The following RBBP7 variants were observed in gnomAD, a reference collection of about 807,000 sequenced individuals.
The protein encoded by RBBP7 is RB binding protein 7, chromatin remodeling factor.
RBBP7 carries 5 observed loss-of-function variants against 35.2 expected under a neutral mutation model. The ratio of observed to expected loss-of-function variants is 0.14; its 90% CI spans 0.07 to 0.30. RBBP7 has a LOEUF of 0.30. Among genes scored for constraint, RBBP7 ranks in the 10% least tolerant of loss-of-function variants. The pLI, the probability that RBBP7 is intolerant of heterozygous loss-of-function variation, is 1.00. For missense variants in RBBP7, 155 were observed against 327.5 expected, an observed-to-expected ratio of 0.47 and a Z score of 4.07; for synonymous variants, 140 against 118.7, an observed-to-expected ratio of 1.18 and a Z score of -1.17.
intron 9 of RBBP7, 87 bp downstream of exon 9, chrX:16,851,959 C>T: frequency 1.3e-6 from 1 of 778,224 alleles, no homozygotes; most frequent in East Asian, 3.3e-5. Flanking sequence ...GGGGGATTAC[C>T]AAATTGCTTT....
intron 9 of RBBP7, among the ~76,000 whole-genome samples, chrX:16,851,133 AAAAAG>A (rs377193335): frequency 2.4e-4 from 26 of 109,146 alleles, no homozygotes; most frequent in South Asian, 3.9e-4. Flanking sequence ...CCAAAAAAAA[AAAAAG>A]AAAAGAAAAG....
chrX:16,853,200 T>A (rs1251863658), intron 6 of RBBP7: 5 of 227,118 alleles, frequency 2.2e-5, no homozygotes, highest in Admixed American at 6.3e-5. Context: ...ATGCCCAGTA[T>A]TTTGTCACAT....
In RBBP7 at chrX:16,857,410, G is replaced by A. The variant is rs1007833862; in HGVS notation, c.597+184C>T. Reference sequence around the variant, plus strand: ...TCTAAGGCTACTTCAAAAGAGCTCTGTGGAATCCGAAGACTCATACAGGGC... The same window carrying A: ...TCTAAGGCTACTTCAAAAGAGCTCTATGGAATCCGAAGACTCATACAGGGC... On this transcript the variant is annotated intron_variant, in intron 5 of 11. Transcript: ENST00000380087. 2.7e-5 allele frequency among the ~76,000 whole-genome samples: 3 copies of A among 111,758 alleles called. No individual in the cohort carries two copies. The East Asian group carries it at 8.4e-4, about 31-fold the overall frequency.
At chrX:16,855,579 C>T (rs774903118) in intron 5 of RBBP7, among the ~76,000 whole-genome samples, 1 of 111,083 alleles carries the variant, frequency 9.0e-6, no homozygotes, top group Non-Finnish European at 1.9e-5. Context: ...GTGGGTAGCC[C>T]CTGGTAAATG....
chrX:16,849,602 A>T (rs1223035404), intron 9 of RBBP7, among the ~76,000 whole-genome samples: 4 of 111,987 alleles, frequency 3.6e-5, no homozygotes, highest in Non-Finnish European at 7.5e-5. Flanking sequence ...GCTACTGTTT[A>T]TATTTGGTGT....
Position 16,863,086 on chromosome X carries a change from T to C in RBBP7, c.176A>G (p.Asp59Gly), listed in dbSNP as rs750800740. 4 of 1,209,865 alleles carry C rather than the reference T, an allele frequency of 3.3e-6. No individual in the cohort carries two copies. The highest frequency in any genetic ancestry group is 4.5e-6 in the Non-Finnish European group (4 of 894,125). The stretch of plus-strand genomic sequence containing the variant: ...CAGCACTAGCCAATGAAGGGCATAA[T>C]CTTTTCCTTCAGGTCTGTTTAAGAA... The part of the protein sequence containing the change: ...LPEVTKPEGK[D>G]YALHWLVLGT... The change falls in exon 3 of 12, where the codon GAT becomes GGT. Residue 59 changes from aspartate to glycine, a missense_variant. Around this residue, in one of 3 missense-constraint regions of RBBP7, gnomAD observed 59 missense variants for 90.4 expected, o/e 0.65. Coordinates refer to ENST00000380087, the MANE Select transcript of RBBP7 (RefSeq NM_002893.4).
At chrX:16,849,859 G>C (rs1174920744) in intron 9 of RBBP7, among the ~76,000 whole-genome samples, 1 of 112,227 alleles carries the variant, frequency 8.9e-6, no homozygotes, top group Non-Finnish European at 1.9e-5. Flanking sequence ...CAGTACTATA[G>C]ATCTGTCTAA....
At chrX:16,845,195 G>GT in intron 11 of RBBP7, 92 bp from the exon 12 acceptor site, 1 of 620,703 alleles carries the variant, frequency 1.6e-6, no homozygotes, top group African/African-American at 2.2e-5. Flanking sequence ...GAACTTAATA[G>GT]TTTCATTTTT....
At chrX:16,854,735 T>C (rs981420447) in intron 5 of RBBP7, among the ~76,000 whole-genome samples, 2 of 108,662 alleles carry the variant, frequency 1.8e-5, no homozygotes, top group Non-Finnish European at 1.9e-5. Context: ...GATGTGCTCC[T>C]TGAAACGTCA....
intron 5 of RBBP7, among the ~76,000 whole-genome samples, chrX:16,856,153 A>G (rs1006289915): frequency 3.6e-5 from 4 of 111,240 alleles, no homozygotes; most frequent in African/African-American, 1.3e-4. Context: ...TTGAATACCT[A>G]TTTCTCTAAA....
chrX:16,868,933 CG>C (rs1930694772), intron 2 of RBBP7, 142 bp downstream of exon 2: 1 of 584,405 alleles, frequency 1.7e-6, no homozygotes, highest in East Asian at 3.7e-5. Flanking sequence ...CCACAAATCA[CG>C]TAAGTTTTGA....
At position 16,845,952 on chromosome X, in the gene RBBP7, A is replaced by C. The variant is rs1356819979; in HGVS notation, c.1099-14T>G. Reference sequence around the variant, plus strand: ...TCCATGAATAAACTGTTACAAGAACAAAAAAAGCTTTGATTTCATATACTC... The same window carrying C: ...TCCATGAATAAACTGTTACAAGAACCAAAAAAGCTTTGATTTCATATACTC... On this transcript the variant is annotated splice_polypyrimidine_tract_variant and intron_variant, in intron 10 of 11. Coordinates refer to ENST00000380087, the MANE Select transcript of RBBP7 (RefSeq NM_002893.4). The C allele has an allele frequency of 1.7e-6, 2 of 1,199,779 alleles. No individual in the cohort carries two copies. Among genetic ancestry groups the C allele is most frequent in the South Asian group, 3.7e-5 (2 of 54,438 alleles).
intron 8 of RBBP7, 68 bp from the exon 9 acceptor site, chrX:16,852,190 T>A (rs1930225313): frequency 7.6e-6 from 7 of 921,772 alleles, no homozygotes; most frequent in Non-Finnish European, 1.1e-5. Context: ...GCTGTTGTTC[T>A]AATCTGATAT....
At chrX:16,857,805 T>C (rs1602421157) in intron 4 of RBBP7, 96 bp from the exon 5 acceptor site, 2 of 1,097,230 alleles carry the variant, frequency 1.8e-6, no homozygotes, top group Non-Finnish European at 2.4e-6. Context: ...TTACAGCAAC[T>C]GCACACGAAC....
intron 2 of RBBP7, 29 bp downstream of exon 2, chrX:16,869,047 A>G: frequency 8.4e-7 from 1 of 1,183,671 alleles, no homozygotes; most frequent in Admixed American, 2.6e-5. Flanking sequence ...TTAAATTTAA[A>G]CAAAATAAAA....
rs1164011607 is a variant in RBBP7, at chrX:16,858,854, T to C, written c.308-5A>G. Reference sequence around the variant, plus strand: ...CAGAACCAAAGCCACCAAATTCTAATGTGAGGAGAAAGAAACACACACACA... The same window carrying C: ...CAGAACCAAAGCCACCAAATTCTAACGTGAGGAGAAAGAAACACACACACA... On this transcript the variant is annotated splice_region_variant and splice_polypyrimidine_tract_variant and intron_variant, in intron 3 of 11. Coordinates refer to ENST00000380087, the MANE Select transcript of RBBP7 (RefSeq NM_002893.4). The C allele has an allele frequency of 2.0e-5, 24 of 1,207,712 alleles. No individual in the cohort carries two copies. The highest frequency in any genetic ancestry group is 2.6e-5 in the Non-Finnish European group (23 of 893,909).
chrX:16,855,642 A>G (rs1403772616), intron 5 of RBBP7, among the ~76,000 whole-genome samples: 1 of 110,811 alleles, frequency 9.0e-6, no homozygotes, highest in Non-Finnish European at 1.9e-5. Flanking sequence ...AAAAGGTACT[A>G]GTAATTGGGT....
At chrX:16,869,603 G>T (rs1048582463) in intron 1 of RBBP7, 36 of 1,162,158 alleles carry the variant, frequency 3.1e-5, no homozygotes, top group Non-Finnish European at 4.0e-5. Flanking sequence ...CCCCATCAGG[G>T]GAGGCCCCAG....
At chrX:16,849,068 C>A in intron 10 of RBBP7, 176 bp downstream of exon 10, 1 of 368,211 alleles carries the variant, frequency 2.7e-6, no homozygotes, top group Admixed American at 5.1e-5. Context: ...ACCTACTGGG[C>A]TCCATTTACT....
Sources: allele counts gnomAD v4.1 joint callset (sites outside exome capture counted in the v4.1 genomes callset), GRCh38; gene constraint gnomAD v4.1.1; regional missense constraint gnomAD v4.1.1; transcripts MANE v1.5; gene names NCBI Gene and HGNC (gene_info 2026-07-23, HGNC 2026-07-21).